Variants in COPA observed in about 807,000 individuals in gnomAD.
COPA encodes the protein coatomer subunit alpha.
A neutral mutation model predicts 158.7 loss-of-function variants in COPA; 10 were observed. The ratio of observed to expected loss-of-function variants is 0.06; its 90% CI spans 0.04 to 0.11. COPA has a LOEUF of 0.11. COPA is among the 10% of genes least tolerant of loss of function. The pLI, the probability that COPA is intolerant of heterozygous loss-of-function variation, is 1.00. For synonymous variants in COPA, 462 were observed against 542.8 expected (o/e 0.85, Z 2.07); for missense variants, 1,065 against 1,536.7 (o/e 0.69, Z 5.13).
In COPA at chr1:160,292,103, A is replaced by G. The variant is rs746255109; in HGVS notation, c.3056T>C (p.Val1019Ala). Residue 1019 changes from valine to alanine, a missense_variant, in exon 29 of 33, where the codon GTT becomes GCT. Coordinates refer to ENST00000241704, the MANE Select transcript of COPA (RefSeq NM_004371.4). The stretch of plus-strand genomic sequence containing the variant: ...TTCCACAGCCTCCTCAAATTTGCCA[A>G]CTGTGGTGAGCTGGTAGCACAGCTG... ...RLQLCYQLTT[V>A]GKFEEAVEKF... The G allele has an allele frequency of 3.1e-6, 5 of 1,614,192 alleles. No individual in the cohort carries two copies. The highest frequency in any genetic ancestry group is 2.2e-5 in the East Asian group (1 of 44,894).
intron 32 of COPA, 89 bp downstream of exon 32, chr1:160,290,403 A>C: frequency 6.7e-7 from 1 of 1,485,456 alleles, no homozygotes; most frequent in South Asian, 1.3e-5. Context: ...GCAGGGGACA[A>C]GCACAAGAAG....
At chr1:160,313,958 GA>G (rs775502664) in intron 9 of COPA, 31 bp downstream of exon 9, 74 of 1,545,716 alleles carry the variant, frequency 4.8e-5, no homozygotes, top group African/African-American at 1.4e-5. Context: ...GAGAGTAAGA[GA>G]AAGTTCACAC....
rs780845772 is a variant in COPA, at chr1:160,311,941, A to G, written c.1003T>C (p.Tyr335His). 2 of 1,614,114 alleles carry G rather than the reference A, an allele frequency of 1.2e-6. No individual in the cohort carries two copies. Among genetic ancestry groups the G allele is most frequent in the Admixed American group, 3.3e-5 (2 of 60,022 alleles). ...TGTCGTAAGAATCGGTCCTTGACATAGTGTAGCATATTGCCATGAACAGCA... is the reference window on the plus strand; with the variant it reads ...TGTCGTAAGAATCGGTCCTTGACATGGTGTAGCATATTGCCATGAACAGCA... The part of the protein sequence containing the change: ...AYAVHGNMLH[Y>H]VKDRFLRQLD... Residue 335 changes from tyrosine to histidine, a missense_variant, in exon 11 of 33, where the codon TAT (tyrosine) becomes CAT (histidine). Tyr to His is a moderately conservative substitution (Grantham distance 83). Coordinates refer to ENST00000241704, the MANE Select transcript of COPA (RefSeq NM_004371.4).
rs1658127765 is a variant in COPA, at chr1:160,289,018, T to C, written c.*1139A>G. On this transcript the variant is annotated 3_prime_UTR_variant, in exon 33 of 33. Transcript: ENST00000241704. ...TGGAGTCTCACTCTGTCGCCCAGGC[T>C]GGAGTGCGGTGGCGCGATCTCAGCT... 6.6e-6 allele frequency among the ~76,000 whole-genome samples: 1 copy of C among 152,184 alleles called. No individual in the cohort carries two copies.
rs1292450224 is a variant in COPA at position 160,299,000 on chromosome 1, T to A, written c.1831-9A>T. The A allele has an allele frequency of 6.2e-7, 1 of 1,613,016 alleles. No homozygotes were observed. Among genetic ancestry groups the A allele is most frequent in the South Asian group, 1.1e-5 (1 of 91,040 alleles). On this transcript the variant is annotated splice_polypyrimidine_tract_variant and intron_variant, in intron 18 of 32. Transcript: ENST00000241704. ...CTCACCATGTGCAGTACCTAGACAT[T>A]TGGGGTGGAGTCGGGCAAGAAGTAG... is the stretch of plus-strand genomic sequence containing the variant.
At chr1:160,305,202 A>G (rs1346929306) in intron 17 of COPA, 3 of 451,992 alleles carry the variant, frequency 6.6e-6, no homozygotes, top group Non-Finnish European at 7.8e-6. Context: ...TGTTCACTAC[A>G]TAACTTATTT....
intron 18 of COPA, 48 bp from the exon 19 acceptor site, chr1:160,299,039 G>GA: frequency 2.5e-6 from 4 of 1,587,876 alleles, no homozygotes; most frequent in Admixed American, 3.7e-5. Context: ...TCACTTACAG[G>GA]AAAAGAAAAA....
intron 10 of COPA, among the ~76,000 whole-genome samples, chr1:160,312,842 A>G (rs987854899): frequency 2.6e-4 from 39 of 152,106 alleles, no homozygotes; most frequent in African/African-American, 9.4e-4. Flanking sequence ...AGCAGTCCCC[A>G]TACTCATCTG....
At chr1:160,342,418 C>G (rs1446629468) in intron 1 of COPA, among the ~76,000 whole-genome samples, 1 of 152,150 alleles carries the variant, frequency 6.6e-6, no homozygotes, top group Non-Finnish European at 1.5e-5. Context: ...CCTCCACCCC[C>G]AACGACCCAC....
intron 17 of COPA, among the ~76,000 whole-genome samples, chr1:160,300,975 A>G (rs1238098139): frequency 6.6e-6 from 1 of 151,988 alleles, no homozygotes; most frequent in East Asian, 1.9e-4. Flanking sequence ...AAAATTAGCC[A>G]GGCGTAATGG....
chr1:160,314,200 C>A, intron 8 of COPA, 75 bp from the exon 9 acceptor site: 1 of 1,488,826 alleles, frequency 6.7e-7, no homozygotes, highest in South Asian at 1.3e-5. Flanking sequence ...ATGACATCCT[C>A]TTCATCAAGA....
At chr1:160,324,161 G>A (rs189800775) in intron 7 of COPA, among the ~76,000 whole-genome samples, 44 of 151,694 alleles carry the variant, frequency 2.9e-4, no homozygotes, top group Admixed American at 9.9e-4. Flanking sequence ...GCGCCCGCCC[G>A]AAAACTTTTA....
intron 6 of COPA, among the ~76,000 whole-genome samples, chr1:160,327,462 G>C (rs186332795): frequency 1.3e-5 from 2 of 150,608 alleles, no homozygotes; most frequent in African/African-American, 2.4e-5. Flanking sequence ...GCTTGAACCC[G>C]GGGGGCGGGG....
In COPA at chr1:160,298,989, T is replaced by C. The variant is rs1434130898; in HGVS notation, c.1833A>G (p.Val611=). Residue 611 remains valine, a splice_region_variant and synonymous_variant, in exon 19 of 33, where the codon GTA becomes GTG. Transcript: ENST00000241704. The stretch of plus-strand genomic sequence containing the variant: ...GTTTGGCATTCCTCACCATGTGCAG[T>C]ACCTAGACATTTGGGGTGGAGTCGG... ...LALINRKYDE[V]LHMVRNAKLV... is the part of the protein sequence containing the mutation. The C allele has an allele frequency of 5.0e-6, 8 of 1,613,620 alleles. No individual in the cohort carries two copies. The highest frequency in any genetic ancestry group is 1.1e-5 in the South Asian group (1 of 91,066).
chr1:160,318,485 A>AC lies in COPA; in HGVS notation c.707-4361_707-4360insG, dbSNP rs1373448329. Reference sequence around the variant, plus strand: ...AATATTTGTAAAAAAAAAAAAAAAAAAAAAAACAAAAAAAAAAAAAAAACA... The same window carrying AC: ...AATATTTGTAAAAAAAAAAAAAAAAACAAAAAACAAAAAAAAAAAAAAAACA... On this transcript the variant is annotated intron_variant, in intron 8 of 32. Transcript: ENST00000241704. Among the ~76,000 whole-genome samples, 28 of 68,928 alleles carry AC rather than the reference A, an allele frequency of 4.1e-4. No homozygotes were observed. The East Asian group carries it at 5.4e-3, about 13-fold the overall frequency. The allele number at this position is 68,928 out of a possible 152,430, so 45.2% of individuals were successfully genotyped here.
chr1:160,329,640 T>C (rs35775629), intron 6 of COPA, among the ~76,000 whole-genome samples: 1 of 152,180 alleles, frequency 6.6e-6, no homozygotes. Flanking sequence ...CCCGGCGTTC[T>C]GGAAAAGAAT....
Position 160,297,418 on chromosome 1 carries a change from T to A in COPA, c.2188A>T (p.Ser730Cys). Residue 730 changes from serine (S) to cysteine (C), a missense_variant, in exon 21 of 33, where the codon AGT (serine) becomes TGT (cysteine). Transcript: ENST00000241704. ...MKIAEIRKDM[S>C]GHYQNALYLG... ...TATAGGGCATTCTGATAGTGGCCAC[T>A]CATGTCCTTTCTGATCTCAGCTGCA... The A allele has an allele frequency of 6.2e-7, 1 of 1,614,138 alleles. No individual in the cohort carries two copies. The highest frequency in any genetic ancestry group is 8.5e-7 in the Non-Finnish European group (1 of 1,180,026).
At chr1:160,308,992 G>T in intron 13 of COPA, 109 bp downstream of exon 13, 6 of 833,110 alleles carry the variant, frequency 7.2e-6, no homozygotes, top group Non-Finnish European at 1.2e-5. Flanking sequence ...CAACAGACAT[G>T]AGTGATGTGG....
chr1:160,305,298 G>A, intron 17 of COPA, 135 bp downstream of exon 17: 1 of 734,118 alleles, frequency 1.4e-6, no homozygotes, highest in Non-Finnish European at 2.2e-6. Context: ...ATGTTCTGAT[G>A]CCCCTTGCAC....
Sources: gnomAD v4.1 joint callset for allele counts (sites outside exome capture counted in the v4.1 genomes callset) on GRCh38, gnomAD v4.1.1 for gene constraint, MANE v1.5 for transcripts, NCBI Gene and HGNC (gene_info 2026-07-23, HGNC 2026-07-21) for gene names.